CD109: variants seen among roughly 807,000 people sequenced by gnomAD.
CD109 encodes the protein CD109 molecule, also known as CD109 antigen.
Under a neutral mutation model 165.8 loss-of-function variants are expected in CD109, and 149 were observed. The ratio of observed to expected loss-of-function variants is 0.90; its 90% CI spans 0.79 to 1.03. The LOEUF is 1.03. Ranked by LOEUF, CD109 falls within the 50% of genes least tolerant of loss-of-function variation. The probability of loss-of-function intolerance (pLI) is 0.00; values close to 1 mark genes in which losing one functional copy is unlikely to be tolerated. For missense variants in CD109, 1,712 were observed against 1,677.8 expected, an observed-to-expected ratio of 1.02 and a Z score of -0.36; for synonymous variants, 585 against 592.1, an observed-to-expected ratio of 0.99 and a Z score of 0.18.
rs1776256270 is a variant in CD109 at position 73,825,813 on chromosome 6, A to G, written c.*2180A>G. The G allele has an allele frequency of 6.6e-6, 1 of 152,052 alleles. No homozygotes were observed. Among genetic ancestry groups the G allele is most frequent in the Non-Finnish European group, 1.5e-5 (1 of 68,050 alleles). 9.4% of individuals were successfully genotyped at this position (152,052 alleles called of 1,614,324 possible). On this transcript the variant is annotated 3_prime_UTR_variant, in exon 33 of 33. Coordinates refer to ENST00000287097, the MANE Select transcript of CD109 (RefSeq NM_133493.5). Reference sequence around the variant, plus strand: ...GCCAATATGGTGAAACCCCGTCCCTACTAAAAATACAAAATTTAGCCAGGC... The same window carrying G: ...GCCAATATGGTGAAACCCCGTCCCTGCTAAAAATACAAAATTTAGCCAGGC...
intron 5 of CD109, among the ~76,000 whole-genome samples, chr6:73,742,528 C>T (rs1288613049): frequency 6.6e-6 from 1 of 152,220 alleles, no homozygotes; most frequent in East Asian, 1.9e-4. Context: ...AGGCATCTGG[C>T]CAGAGCAGTG....
At chr6:73,792,166 G>T (rs1385692560) in intron 22 of CD109, among the ~76,000 whole-genome samples, 2 of 152,044 alleles carry the variant, frequency 1.3e-5, no homozygotes, top group African/African-American at 4.8e-5. Context: ...AGAACACATT[G>T]GAAAACACTA....
At chr6:73,702,634 C>T (rs1771125205) in intron 2 of CD109, among the ~76,000 whole-genome samples, 1 of 152,182 alleles carries the variant, frequency 6.6e-6, no homozygotes. Flanking sequence ...CACGATGTGC[C>T]TGGGCTCTGG....
intron 15 of CD109, among the ~76,000 whole-genome samples, chr6:73,775,207 G>A (rs1020389981): frequency 2.0e-5 from 3 of 151,746 alleles, no homozygotes; most frequent in African/African-American, 7.3e-5. Context: ...ATGTATATAT[G>A]TATATATGAG....
At chr6:73,800,344 T>G (rs955378136) in intron 23 of CD109, among the ~76,000 whole-genome samples, 1 of 152,148 alleles carries the variant, frequency 6.6e-6, no homozygotes, top group Non-Finnish European at 1.5e-5. Flanking sequence ...ATTCAATCAG[T>G]CTCCAGTTTT....
chr6:73,738,830 T>C (rs1582084272), intron 5 of CD109, among the ~76,000 whole-genome samples: 1 of 152,262 alleles, frequency 6.6e-6, no homozygotes, highest in Admixed American at 6.5e-5. Context: ...TTCATCATGC[T>C]GTTCCCTCTG....
At chr6:73,807,948 A>G in intron 25 of CD109, 135 bp from the exon 26 acceptor site, 1 of 651,872 alleles carries the variant, frequency 1.5e-6, no homozygotes, top group Non-Finnish European at 2.5e-6. Context: ...GTTGATTTTC[A>G]TTGCCTAGTA....
intron 3 of CD109, among the ~76,000 whole-genome samples, chr6:73,728,268 C>G (rs938027117): frequency 6.6e-6 from 1 of 152,096 alleles, no homozygotes; most frequent in Non-Finnish European, 1.5e-5. Context: ...TGAGATTGGG[C>G]CACTGCACTC....
chr6:73,811,357 C>T (rs374652918), intron 28 of CD109, among the ~76,000 whole-genome samples: 4 of 152,156 alleles, frequency 2.6e-5, no homozygotes, highest in African/African-American at 9.6e-5. Context: ...GGAGAAAACA[C>T]GGGCACTGTA....
At chr6:73,769,002 T>A (rs1235698271) in intron 14 of CD109, among the ~76,000 whole-genome samples, 1 of 152,336 alleles carries the variant, frequency 6.6e-6, no homozygotes, top group East Asian at 1.9e-4. Context: ...CTGTACTTTC[T>A]TTTTTAAAAT....
At chr6:73,698,657 C>T (rs1204055728) in intron 2 of CD109, among the ~76,000 whole-genome samples, 2 of 152,122 alleles carry the variant, frequency 1.3e-5, no homozygotes, top group Admixed American at 1.3e-4. Context: ...GTGGTTCTTT[C>T]CCCACTGGAA....
At chr6:73,681,673 G>A in the CD109 span, among the ~76,000 whole-genome samples, 2 of 152,020 alleles carry the variant, frequency 1.3e-5, no homozygotes, top group South Asian at 2.1e-4. Flanking sequence ...TACAATCTGG[G>A]CTCACTACAA....
intron 20 of CD109, 21 bp downstream of exon 20, chr6:73,785,498 T>C: frequency 1.5e-6 from 2 of 1,353,528 alleles, no homozygotes; most frequent in Non-Finnish European, 2.1e-6. Flanking sequence ...CAAGCTTTTG[T>C]TGATCATTTA....
At chr6:73,801,453 A>G (rs1195860883) in intron 23 of CD109, among the ~76,000 whole-genome samples, 1 of 152,266 alleles carries the variant, frequency 6.6e-6, no homozygotes. Flanking sequence ...CCCTTCTTCA[A>G]ATTAAGCAAA....
At chr6:73,808,313 T>C in intron 26 of CD109, 65 bp downstream of exon 26, 2 of 1,511,816 alleles carry the variant, frequency 1.3e-6, no homozygotes, top group South Asian at 1.3e-5. Context: ...ATGAGAAAAA[T>C]TTTTAGCCAG....
chr6:73,711,005 T>TC (rs903085136), intron 2 of CD109, among the ~76,000 whole-genome samples: 1 of 152,104 alleles, frequency 6.6e-6, no homozygotes, highest in Non-Finnish European at 1.5e-5. Flanking sequence ...CTTTTGATAT[T>TC]CCCCCCAGCT....
At chr6:73,775,868 CTAG>C (rs1310652994) in intron 15 of CD109, among the ~76,000 whole-genome samples, 2 of 152,176 alleles carry the variant, frequency 1.3e-5, no homozygotes, top group Non-Finnish European at 2.9e-5. Context: ...TTATGGCTGC[CTAG>C]TATTCCATGG....
chr6:73,762,329 G>T, intron 7 of CD109, 55 bp from the exon 8 acceptor site: 2 of 1,076,988 alleles, frequency 1.9e-6, no homozygotes, highest in Admixed American at 2.1e-5. Context: ...TATTTTTATT[G>T]TGTTCTGACA....
chr6:73,827,965 A>C lies in CD109; in HGVS notation c.*4332A>C. 6.5e-6 allele frequency: 1 copy of C among 154,932 alleles called. No individual in the cohort carries two copies. The highest frequency in any genetic ancestry group is 5.2e-4 in the Middle Eastern group (1 of 1,926). 9.6% of individuals were successfully genotyped at this position (154,932 alleles called of 1,614,324 possible). A position where few individuals can be genotyped will look rare whatever the true frequency, so the allele number is the denominator to read the frequency against. ...GAAGGTAGTTCCATGTTCCATTTGTAGATCTTTAAGATTTTATCTTTGATA... is the reference window on the plus strand; with the variant it reads ...GAAGGTAGTTCCATGTTCCATTTGTCGATCTTTAAGATTTTATCTTTGATA... On this transcript the variant is annotated 3_prime_UTR_variant, in exon 33 of 33. Coordinates refer to ENST00000287097, the MANE Select transcript of CD109 (RefSeq NM_133493.5).
Sources: gnomAD v4.1 joint callset for allele counts (sites outside exome capture counted in the v4.1 genomes callset) on GRCh38, gnomAD v4.1.1 for gene constraint, MANE v1.5 for transcripts, NCBI Gene and HGNC (gene_info 2026-07-23, HGNC 2026-07-21) for gene names.